Variants in PCSK6 observed in about 807,000 individuals in gnomAD.
PCSK6 encodes the protein proprotein convertase subtilisin/kexin type 6.
In PCSK6, 85 loss-of-function variants were observed where a neutral mutation model predicts 123.3. The ratio of observed to expected loss-of-function variants is 0.69; its 90% CI spans 0.58 to 0.83. PCSK6 has a LOEUF of 0.83. Ranked by LOEUF, PCSK6 falls within the 40% of genes least tolerant of loss-of-function variation. The probability of loss-of-function intolerance (pLI) is 0.00; values close to 1 mark genes in which losing one functional copy is unlikely to be tolerated. For missense variants in PCSK6, 1,191 were observed against 1,282.3 expected (o/e 0.93, Z 1.09); for synonymous variants, 508 against 516.0 (o/e 0.98, Z 0.21).
intron 1 of PCSK6, among the ~76,000 whole-genome samples, chr15:101,460,347 T>C (rs960395034): frequency 2.6e-5 from 4 of 152,028 alleles, no homozygotes; most frequent in African/African-American, 9.7e-5. Context: ...CCTTCACCAG[T>C]ATTATGCTGT....
chr15:101,373,133 T>C (rs1480527476), intron 11 of PCSK6, among the ~76,000 whole-genome samples: 8 of 152,162 alleles, frequency 5.3e-5, no homozygotes, highest in Non-Finnish European at 7.4e-5. Context: ...GACTTTTTTA[T>C]TCCTGCTAAG....
At chr15:101,377,396 C>T (rs1030733148) in intron 11 of PCSK6, among the ~76,000 whole-genome samples, 3 of 152,178 alleles carry the variant, frequency 2.0e-5, no homozygotes, top group Non-Finnish European at 2.9e-5. Flanking sequence ...GCAAGGTGGA[C>T]TCTGGAGACA....
chr15:101,471,670 A>G (rs866215927), intron 1 of PCSK6, among the ~76,000 whole-genome samples: 2 of 152,256 alleles, frequency 1.3e-5, no homozygotes, highest in African/African-American at 4.8e-5. Flanking sequence ...TGAAACAAGC[A>G]AAAGTAAATT....
chr15:101,380,946 A>G (rs2041895825), intron 11 of PCSK6, among the ~76,000 whole-genome samples: 1 of 152,218 alleles, frequency 6.6e-6, no homozygotes, highest in Non-Finnish European at 1.5e-5. Context: ...TACAAGGCCC[A>G]GAGAAACACC....
chr15:101,403,340 G>T (rs978573929), intron 6 of PCSK6, among the ~76,000 whole-genome samples: 7 of 150,876 alleles, frequency 4.6e-5, no homozygotes, highest in South Asian at 2.1e-4. Flanking sequence ...GTTAATGGGT[G>T]CAGCACACCA....
At chr15:101,310,240 C>T (rs543619673) in intron 20 of PCSK6, among the ~76,000 whole-genome samples, 12 of 152,366 alleles carry the variant, frequency 7.9e-5, no homozygotes, top group Admixed American at 6.5e-4. Context: ...CACTGTCAGC[C>T]TCTGCAGGGC....
At chr15:101,322,674 C>T (rs1409411323) in intron 17 of PCSK6, 67 bp from the exon 18 acceptor site, 7 of 1,010,702 alleles carry the variant, frequency 6.9e-6, no homozygotes, top group African/African-American at 4.7e-5. Context: ...TCTGGGCAAG[C>T]AGGCCCCCGG....
intron 13 of PCSK6, among the ~76,000 whole-genome samples, chr15:101,333,350 A>C (rs1185811089): frequency 6.6e-6 from 1 of 152,164 alleles, no homozygotes; most frequent in Non-Finnish European, 1.5e-5. Context: ...ACACATGCAC[A>C]CACATGTTCA....
At chr15:101,429,739 T>C (rs1298365751) in intron 5 of PCSK6, among the ~76,000 whole-genome samples, 1 of 152,212 alleles carries the variant, frequency 6.6e-6, no homozygotes, top group African/African-American at 2.4e-5. Flanking sequence ...ACGATGTCTG[T>C]CAAACACCCA....
Position 101,430,059 on chromosome 15 carries a change from G to C in PCSK6, c.662C>G (p.Ser221Cys). 6.2e-7 allele frequency: 1 copy of C among 1,613,514 alleles called. No individual in the cohort carries two copies. Among genetic ancestry groups the C allele is most frequent in the Non-Finnish European group, 8.5e-7 (1 of 1,179,456 alleles). Residue 221 changes from serine to cysteine, a missense_variant, in exon 5 of 22, where the codon TCC becomes TGC. Physicochemically the swap from Ser to Cys is moderately radical, Grantham distance 112 (BLOSUM62 -1). This residue lies in a region of PCSK6 where 357 missense variants were observed against 484.5 expected (regional missense o/e 0.74). Transcript: ENST00000611716. The stretch of plus-strand genomic sequence containing the variant: ...GCCGTTCACGTCGTAGCTGGCGTAG[G>C]AATCCTAAGAAATGGAATCGTGGTG... ...NHPDLAPNYD[S>C]YASYDVNGND...
intron 11 of PCSK6, among the ~76,000 whole-genome samples, chr15:101,375,902 C>G (rs2041723766): frequency 6.6e-6 from 1 of 152,132 alleles, no homozygotes; most frequent in Admixed American, 6.5e-5. Flanking sequence ...GGTGTGATGG[C>G]ATGTGCCTAT....
intron 15 of PCSK6, among the ~76,000 whole-genome samples, chr15:101,330,469 T>C (rs1195600409): frequency 6.6e-6 from 1 of 152,202 alleles, no homozygotes; most frequent in African/African-American, 2.4e-5. Flanking sequence ...ACGTGGCTCG[T>C]CCTCCTCCTT....
intron 2 of PCSK6, among the ~76,000 whole-genome samples, chr15:101,434,147 GC>G (rs1274994284): frequency 6.6e-6 from 1 of 152,214 alleles, no homozygotes; most frequent in Non-Finnish European, 1.5e-5. Flanking sequence ...GAACTAGAAG[GC>G]TTTTTACCTG....
intron 9 of PCSK6, among the ~76,000 whole-genome samples, chr15:101,389,153 T>G (rs2042153861): frequency 6.6e-6 from 1 of 152,198 alleles, no homozygotes. Flanking sequence ...GACACCTTGA[T>G]CCAGGAATTC....
At chr15:101,488,879 G>A (rs2058085539) in intron 1 of PCSK6, among the ~76,000 whole-genome samples, 1 of 150,970 alleles carries the variant, frequency 6.6e-6, no homozygotes, top group South Asian at 2.1e-4. Context: ...CCCAAGCAGC[G>A]GCCGCGGCCG....
Position 101,330,306 on chromosome 15 carries a change from G to A in PCSK6, c.2077+1345C>T, listed in dbSNP as rs2040347908. The stretch of plus-strand genomic sequence containing the variant: ...TCCCTAGGCTTCCCTCGTCCCCCTC[G>A]CTCACTTCCTCTATTTCTTGGCAAC... On this transcript the variant is annotated intron_variant, in intron 15 of 21. Transcript: ENST00000611716. Among the ~76,000 whole-genome samples, 4 of 152,192 alleles carry A rather than the reference G, an allele frequency of 2.6e-5. No individual in the cohort carries two copies. The Middle Eastern group carries it at 0.01, about 388-fold the overall frequency.
chr15:101,342,280 T>C (rs948657301), intron 13 of PCSK6, among the ~76,000 whole-genome samples: 5 of 152,158 alleles, frequency 3.3e-5, no homozygotes, highest in African/African-American at 1.2e-4. Context: ...ATTACACTGT[T>C]ATTAGATCCT....
At chr15:101,386,636 G>C (rs556474569) in intron 9 of PCSK6, among the ~76,000 whole-genome samples, 1 of 152,298 alleles carries the variant, frequency 6.6e-6, no homozygotes, top group East Asian at 1.9e-4. Flanking sequence ...TTAGCACAAC[G>C]TCCTTGAGGG....
chr15:101,483,729 G>C (rs936576324), intron 1 of PCSK6, among the ~76,000 whole-genome samples: 7 of 152,260 alleles, frequency 4.6e-5, no homozygotes, highest in African/African-American at 7.2e-5. Flanking sequence ...ACTGGAAGGA[G>C]AAAGAAGCAG....
Sources: allele counts gnomAD v4.1 joint callset (sites outside exome capture counted in the v4.1 genomes callset), GRCh38; gene constraint gnomAD v4.1.1; regional missense constraint gnomAD v4.1.1; transcripts MANE v1.5; gene names NCBI Gene and HGNC (gene_info 2026-07-23, HGNC 2026-07-21).